ENKUR: variants seen among roughly 807,000 people sequenced by gnomAD.
The protein encoded by ENKUR is enkurin, TRPC channel interacting protein.
ENKUR carries 19 observed loss-of-function variants against 27.6 expected under a neutral mutation model. The ratio of observed to expected loss-of-function variants is 0.69; its 90% CI spans 0.48 to 1.01. The LOEUF is 1.01. Ranked by LOEUF, ENKUR falls within the 50% of genes least tolerant of loss-of-function variation. ENKUR has a pLI of 0.00. For synonymous variants in ENKUR, 117 were observed against 96.9 expected, an observed-to-expected ratio of 1.21 and a Z score of -1.22; for missense variants, 312 against 310.5, an observed-to-expected ratio of 1.00 and a Z score of -0.04.
At chr10:25,023,243 G>A (rs1411374338) in intron 2 of ENKUR, 4 of 1,612,198 alleles carry the variant, frequency 2.5e-6, no homozygotes, top group East Asian at 2.2e-5. Flanking sequence ...TTTAACCGAT[G>A]TCATCATCTG....
intron 2 of ENKUR, chr10:25,021,883 C>T (rs1051328185): frequency 2.6e-5 from 4 of 152,118 alleles, no homozygotes; most frequent in Admixed American, 2.0e-4. Context: ...AATGAATTAC[C>T]TCCCTTGACG....
At chr10:25,054,537 T>G (rs1851230271) in intron 2 of ENKUR, among the ~76,000 whole-genome samples, 2 of 150,602 alleles carry the variant, frequency 1.3e-5, no homozygotes, top group Non-Finnish European at 2.9e-5. Flanking sequence ...TTTCCTTTCT[T>G]TCTTTCTTTC....
At chr10:25,057,428 C>CACACAA (rs57431152) in intron 2 of ENKUR, among the ~76,000 whole-genome samples, 1,528 of 132,010 alleles carry the variant, frequency 0.012, 46 homozygotes, top group East Asian at 0.018. Context: ...CACACACACA[C>CACACAA]AATGCCCTTA....
At chr10:25,028,998 G>C (rs1447190137) in intron 2 of ENKUR, among the ~76,000 whole-genome samples, 1 of 152,128 alleles carries the variant, frequency 6.6e-6, no homozygotes, top group African/African-American at 2.4e-5. Flanking sequence ...CCATTCAGAT[G>C]AATGAAGCCA....
At chr10:25,055,545 CAA>C (rs142864120) in intron 2 of ENKUR, among the ~76,000 whole-genome samples, 18,666 of 94,218 alleles carry the variant, frequency 0.2, 1,915 homozygotes, top group African/African-American at 0.43. Context: ...AACAAATTGG[CAA>C]AAAAAAAAAA....
At chr10:25,024,748 G>T (rs918543466) in intron 2 of ENKUR, 6 of 1,613,992 alleles carry the variant, frequency 3.7e-6, no homozygotes, top group Non-Finnish European at 5.1e-6. Flanking sequence ...TATTCCCACA[G>T]GAAACTTTGG....
intron 1 of ENKUR, among the ~76,000 whole-genome samples, chr10:25,002,982 T>C (rs1467546658): frequency 2.6e-5 from 4 of 152,086 alleles, no homozygotes; most frequent in Non-Finnish European, 5.9e-5. Flanking sequence ...TGATTCAATA[T>C]ATTTTTGTGT....
At chr10:25,025,119 T>TA in intron 2 of ENKUR, 1 of 1,614,210 alleles carries the variant, frequency 6.2e-7, no homozygotes, top group South Asian at 1.1e-5. Flanking sequence ...ACTCCACCTA[T>TA]AATACTTCAG....
intron 2 of ENKUR, among the ~76,000 whole-genome samples, chr10:25,038,971 A>C (rs1393514319): frequency 6.6e-6 from 1 of 152,172 alleles, no homozygotes; most frequent in East Asian, 1.9e-4. Context: ...CACCTTGATA[A>C]TTTGTTGTAT....
chr10:25,023,466 T>C, intron 2 of ENKUR: 1 of 1,614,116 alleles, frequency 6.2e-7, no homozygotes. Context: ...AACTAGGTTG[T>C]TGTGTCATAG....
chr10:24,985,191 T>A (rs567909316), intron 4 of ENKUR, among the ~76,000 whole-genome samples: 1 of 152,264 alleles, frequency 6.6e-6, no homozygotes, highest in East Asian at 1.9e-4. Context: ...ACACGCAGAG[T>A]TATGAGTAGT....
intron 2 of ENKUR, among the ~76,000 whole-genome samples, chr10:25,027,294 T>G (rs969964378): frequency 7.2e-6 from 1 of 137,986 alleles, no homozygotes; most frequent in Non-Finnish European, 1.5e-5. Context: ...AGGCGGAGTT[T>G]GCAGTGAGCC....
intron 2 of ENKUR, among the ~76,000 whole-genome samples, chr10:25,045,558 G>A (rs1374919042): frequency 6.6e-6 from 1 of 152,116 alleles, no homozygotes; most frequent in Non-Finnish European, 1.5e-5. Context: ...AAGATCTGCA[G>A]GCTAACCATC....
chr10:25,055,576 C>A (rs947583724), intron 2 of ENKUR, among the ~76,000 whole-genome samples: 18 of 147,580 alleles, frequency 1.2e-4, no homozygotes, highest in Admixed American at 4.7e-4. Context: ...AAGGGACTGC[C>A]CATCAGATGA....
At chr10:25,015,225 G>C (rs564631913) in intron 1 of ENKUR, among the ~76,000 whole-genome samples, 12 of 152,248 alleles carry the variant, frequency 7.9e-5, no homozygotes, top group Non-Finnish European at 1.8e-4. Context: ...GAGGTTCTAA[G>C]ACCTATGTAA....
chr10:24,999,572 G>T (rs1435522685), intron 1 of ENKUR, 26 bp from the exon 2 acceptor site: 2 of 1,560,150 alleles, frequency 1.3e-6, no homozygotes, highest in Non-Finnish European at 8.7e-7. Context: ...AAAAGTTGTA[G>T]CATTTATACT....
chr10:24,990,653 A>G (rs200267978), intron 3 of ENKUR, 44 bp from the exon 4 acceptor site: 114 of 1,548,770 alleles, frequency 7.4e-5, no homozygotes, highest in Admixed American at 9.5e-5. Flanking sequence ...TTTTGTATGC[A>G]ATCTTACATA....
At chr10:25,043,551 A>C (rs1162540774) in intron 2 of ENKUR, among the ~76,000 whole-genome samples, 1 of 152,136 alleles carries the variant, frequency 6.6e-6, no homozygotes, top group Non-Finnish European at 1.5e-5. Flanking sequence ...AAGTGTGGCC[A>C]TAATATGCCT....
intron 1 of ENKUR, among the ~76,000 whole-genome samples, chr10:25,014,803 C>T (rs1850528574): frequency 6.6e-6 from 1 of 152,192 alleles, no homozygotes; most frequent in Non-Finnish European, 1.5e-5. Context: ...AATACAGTTA[C>T]TGCTCTAATT....
Sources: allele counts gnomAD v4.1 joint callset (sites outside exome capture counted in the v4.1 genomes callset), GRCh38; gene constraint gnomAD v4.1.1; transcripts MANE v1.5; gene names NCBI Gene and HGNC (gene_info 2026-07-23, HGNC 2026-07-21).